The following UNC13C variants were observed in gnomAD, a reference collection of about 807,000 sequenced individuals.
UNC13C encodes unc-13 homolog C.
Under a neutral mutation model 245.4 loss-of-function variants are expected in UNC13C, and 174 were observed. The observed-to-expected ratio is 0.71, with a 90% CI of 0.63 to 0.80. UNC13C has a LOEUF of 0.80. Ranked by LOEUF, UNC13C falls within the 30% of genes least tolerant of loss-of-function variation. The probability of loss-of-function intolerance (pLI) is 0.00; values close to 1 mark genes in which losing one functional copy is unlikely to be tolerated. For missense variants in UNC13C, 2,829 were observed against 2,602.9 expected, an observed-to-expected ratio of 1.09 and a Z score of -1.89; for synonymous variants, 992 against 895.1, an observed-to-expected ratio of 1.11 and a Z score of -1.93.
chr15:53,988,957 G>T (rs2140956885), intron 1 of UNC13C, among the ~76,000 whole-genome samples: 1 of 151,896 alleles, frequency 6.6e-6, no homozygotes, highest in East Asian at 1.9e-4. Flanking sequence ...TAAAGCTTTT[G>T]AATTCAAATC....
At chr15:54,376,482 T>C (rs970342988) in intron 17 of UNC13C, among the ~76,000 whole-genome samples, 1 of 152,116 alleles carries the variant, frequency 6.6e-6, no homozygotes, top group Non-Finnish European at 1.5e-5. Flanking sequence ...GCTGCTAAAT[T>C]AAATACATTT....
chr15:54,527,567 G>A (rs947647796), intron 25 of UNC13C, among the ~76,000 whole-genome samples: 1 of 152,110 alleles, frequency 6.6e-6, no homozygotes, highest in African/African-American at 2.4e-5. Flanking sequence ...GAATATTCAG[G>A]TTATAAAGGC....
chr15:54,449,829 T>G (rs1891067943), intron 19 of UNC13C, among the ~76,000 whole-genome samples: 1 of 152,234 alleles, frequency 6.6e-6, no homozygotes, highest in Admixed American at 6.5e-5. Context: ...GCTGCATTCC[T>G]TTGGAGGAGG....
chr15:54,435,988 C>G (rs2040977649), intron 19 of UNC13C, among the ~76,000 whole-genome samples: 1 of 151,924 alleles, frequency 6.6e-6, no homozygotes, highest in Non-Finnish European at 1.5e-5. Flanking sequence ...AGAAAAAGCT[C>G]ATCATCACTG....
At chr15:54,381,273 A>AT (rs2140899664) in intron 17 of UNC13C, among the ~76,000 whole-genome samples, 1 of 152,094 alleles carries the variant, frequency 6.6e-6, no homozygotes, top group Admixed American at 6.5e-5. Flanking sequence ...GCTAGGATTT[A>AT]TTTTTCAGCT....
At chr15:53,853,296 T>C in the UNC13C span, among the ~76,000 whole-genome samples, 3 of 152,178 alleles carry the variant, frequency 2.0e-5, no homozygotes, top group African/African-American at 7.2e-5. Flanking sequence ...GTTCCTGCAT[T>C]AGTTTGCACC....
chr15:53,871,192 T>C, the UNC13C span, among the ~76,000 whole-genome samples: 1 of 152,162 alleles, frequency 6.6e-6, no homozygotes, highest in African/African-American at 2.4e-5. Context: ...CCTCTCTATT[T>C]TTACCCCTCT....
At position 54,085,995 on chromosome 15, in the gene UNC13C, C is replaced by T. The variant is rs1595832003; in HGVS notation, c.2984-57023C>T. Among the ~76,000 whole-genome samples the T allele has an allele frequency of 4.6e-5, 7 of 152,270 alleles. 1 individual carries two copies. Among genetic ancestry groups the T allele is most frequent in the Admixed American group, 4.6e-4 (7 of 15,294 alleles). On this transcript the variant is annotated intron_variant, in intron 2 of 32. Transcript: ENST00000260323. ...TGTGATACAGAGTGATATTTCAATA[C>T]ATGTGTACATGTGGAATGATCAAAT... is the stretch of plus-strand genomic sequence containing the variant.
At chr15:54,503,091 T>C (rs931659354) in intron 22 of UNC13C, among the ~76,000 whole-genome samples, 2 of 152,108 alleles carry the variant, frequency 1.3e-5, no homozygotes, top group African/African-American at 4.8e-5. Context: ...AAGAATCAGC[T>C]TCCATGTATT....
chr15:54,597,194 A>T (rs1008491197), intron 30 of UNC13C, among the ~76,000 whole-genome samples: 2 of 152,178 alleles, frequency 1.3e-5, no homozygotes, highest in Non-Finnish European at 2.9e-5. Flanking sequence ...CTCAGGTGGT[A>T]ATGCTCACTT....
chr15:54,113,067 C>G (rs1446033994), intron 2 of UNC13C, among the ~76,000 whole-genome samples: 1 of 148,216 alleles, frequency 6.7e-6, no homozygotes, highest in Admixed American at 6.8e-5. Flanking sequence ...ATATTTTACT[C>G]TTTATCATGT....
chr15:54,047,439 G>A (rs1320720702), intron 2 of UNC13C, among the ~76,000 whole-genome samples: 3 of 151,792 alleles, frequency 2.0e-5, no homozygotes, highest in Non-Finnish European at 4.4e-5. Flanking sequence ...ACCTGTCTCT[G>A]GTAAACACTG....
intron 2 of UNC13C, among the ~76,000 whole-genome samples, chr15:54,087,170 T>C (rs1215817070): frequency 6.6e-6 from 1 of 152,176 alleles, no homozygotes; most frequent in Non-Finnish European, 1.5e-5. Flanking sequence ...TTGTTTTCAC[T>C]TGAAGCATTA....
chr15:54,522,171 C>T (rs960813612), intron 24 of UNC13C, among the ~76,000 whole-genome samples: 3 of 151,988 alleles, frequency 2.0e-5, no homozygotes, highest in African/African-American at 7.3e-5. Flanking sequence ...AGGAAAATAA[C>T]TTAAAAGATG....
the UNC13C span, among the ~76,000 whole-genome samples, chr15:53,839,732 C>T: frequency 6.6e-6 from 1 of 151,910 alleles, no homozygotes; most frequent in African/African-American, 2.4e-5. Context: ...TTTCCCCCTT[C>T]TGCTTTCTCC....
the UNC13C span, among the ~76,000 whole-genome samples, chr15:53,862,971 T>G: frequency 6.6e-6 from 1 of 152,104 alleles, no homozygotes; most frequent in Non-Finnish European, 1.5e-5. Context: ...AATTCCAGCA[T>G]CAACTCTAAA....
intron 17 of UNC13C, among the ~76,000 whole-genome samples, chr15:54,370,328 C>G (rs984431873): frequency 1.3e-5 from 2 of 152,066 alleles, no homozygotes; most frequent in African/African-American, 2.4e-5. Context: ...GTTGCTAACC[C>G]TGAGATACAT....
At chr15:53,888,697 T>G in the UNC13C span, among the ~76,000 whole-genome samples, 1 of 152,246 alleles carries the variant, frequency 6.6e-6, no homozygotes, top group Non-Finnish European at 1.5e-5. Context: ...TATGTTTAAG[T>G]CTTTAATCCA....
intron 19 of UNC13C, among the ~76,000 whole-genome samples, chr15:54,422,780 C>A (rs549850575): frequency 1.3e-4 from 19 of 151,998 alleles, no homozygotes; most frequent in African/African-American, 4.6e-4. Context: ...CCACGCATCT[C>A]CAACTCTTTT....
Sources: gnomAD v4.1 joint callset for allele counts (sites outside exome capture counted in the v4.1 genomes callset) on GRCh38, gnomAD v4.1.1 for gene constraint, MANE v1.5 for transcripts, NCBI Gene and HGNC (gene_info 2026-07-23, HGNC 2026-07-21) for gene names.